ANOS1: variants seen among roughly 807,000 people sequenced by gnomAD.
The protein encoded by ANOS1 is anosmin-1.
Under a neutral mutation model 59.0 loss-of-function variants are expected in ANOS1, and 6 were observed. That is an observed-to-expected ratio of 0.10 (90% confidence interval 0.06 to 0.20). The LOEUF (loss-of-function observed/expected upper bound fraction) is 0.20. Ranked by LOEUF, ANOS1 falls within the 10% of genes least tolerant of loss-of-function variation. The pLI is 1.00. For missense variants in ANOS1, 433 were observed against 542.3 expected (o/e 0.80, Z 2.00); for synonymous variants, 217 against 223.4 (o/e 0.97, Z 0.25).
At chrX:8,539,329 G>A (rs1403408867) in intron 10 of ANOS1, among the ~76,000 whole-genome samples, 1 of 109,634 alleles carries the variant, frequency 9.1e-6, no homozygotes, top group East Asian at 2.9e-4. Flanking sequence ...TCAAAATTCA[G>A]AAAATAATTC....
chrX:8,717,174 C>T (rs745375089), intron 1 of ANOS1, among the ~76,000 whole-genome samples: 1 of 112,057 alleles, frequency 8.9e-6, no homozygotes, highest in Non-Finnish European at 1.9e-5. Context: ...AAATTAAATT[C>T]TAGCCCTAAT....
At chrX:8,566,894 G>A (rs1930123935) in intron 8 of ANOS1, among the ~76,000 whole-genome samples, 2 of 111,744 alleles carry the variant, frequency 1.8e-5, no homozygotes. Context: ...GACCAGCATT[G>A]CCTTTCCTAA....
chrX:8,719,769 G>T (rs1467177564), intron 1 of ANOS1, among the ~76,000 whole-genome samples: 2 of 110,583 alleles, frequency 1.8e-5, no homozygotes, highest in African/African-American at 6.6e-5. Context: ...ATATATTTTT[G>T]AGCTCACTAA....
chrX:8,725,196 C>G (rs1932901853), intron 1 of ANOS1, among the ~76,000 whole-genome samples: 1 of 111,076 alleles, frequency 9.0e-6, no homozygotes, highest in South Asian at 3.8e-4. Flanking sequence ...AACCTCTCTT[C>G]CCCCCAAAAT....
At chrX:8,719,942 A>G (rs1932863679) in intron 1 of ANOS1, among the ~76,000 whole-genome samples, 1 of 110,974 alleles carries the variant, frequency 9.0e-6, no homozygotes, top group Admixed American at 9.6e-5. Flanking sequence ...TGTTTCTCAG[A>G]CTCCCCTGAG....
intron 2 of ANOS1, among the ~76,000 whole-genome samples, chrX:8,696,715 G>A (rs1460229137): frequency 8.9e-6 from 1 of 112,540 alleles, no homozygotes; most frequent in Non-Finnish European, 1.9e-5. Context: ...TCCTTGCTGT[G>A]GGAGGGCTTT....
chrX:8,691,097 A>T (rs189724138), intron 2 of ANOS1, among the ~76,000 whole-genome samples: 132 of 104,778 alleles, frequency 1.3e-3, no homozygotes, highest in African/African-American at 4.2e-3. Context: ...TTTTTGAGAC[A>T]GAGTCTCAAT....
chrX:8,703,944 C>G (rs1932768547), intron 1 of ANOS1, among the ~76,000 whole-genome samples: 1 of 111,854 alleles, frequency 8.9e-6, no homozygotes, highest in Non-Finnish European at 1.9e-5. Flanking sequence ...CCACCCAAAT[C>G]TCATCTTGAA....
At chrX:8,662,895 G>A (rs1428489762) in intron 2 of ANOS1, among the ~76,000 whole-genome samples, 1 of 112,011 alleles carries the variant, frequency 8.9e-6, no homozygotes, top group Non-Finnish European at 1.9e-5. Flanking sequence ...ATGGTGGCAG[G>A]CACCTGTAAT....
chrX:8,594,658 G>GTATATATA (rs767812487), intron 4 of ANOS1, among the ~76,000 whole-genome samples: 653 of 33,316 alleles, frequency 0.02, 8 homozygotes, highest in East Asian at 0.056. Flanking sequence ...ATATATATGT[G>GTATATATA]TATATATATA....
chrX:8,534,558 A>G (rs1282621654), intron 12 of ANOS1, 98 bp from the exon 13 acceptor site: 2 of 889,696 alleles, frequency 2.2e-6, no homozygotes, highest in African/African-American at 4.0e-5. Flanking sequence ...CCACTGGAGA[A>G]TATCATACAC....
intron 6 of ANOS1, among the ~76,000 whole-genome samples, chrX:8,584,410 GT>G (rs1352231625): frequency 1.9e-5 from 2 of 107,138 alleles, no homozygotes; most frequent in East Asian, 5.7e-4. Flanking sequence ...AAAGTGTTTT[GT>G]TTGTTTGTTT....
chrX:8,540,916 A>G (rs913339536), intron 9 of ANOS1, among the ~76,000 whole-genome samples: 104 of 105,038 alleles, frequency 9.9e-4, no homozygotes, highest in African/African-American at 3.5e-3. Flanking sequence ...AAAAAGAATT[A>G]TAGGCTATGC....
intron 2 of ANOS1, among the ~76,000 whole-genome samples, chrX:8,689,464 G>A (rs1031784999): frequency 5.4e-5 from 6 of 110,095 alleles, no homozygotes; most frequent in Admixed American, 2.0e-4. Flanking sequence ...TGGAAAGGCC[G>A]AGGTGTACAA....
intron 3 of ANOS1, among the ~76,000 whole-genome samples, chrX:8,619,086 A>G (rs1292444658): frequency 5.2e-5 from 5 of 96,423 alleles, no homozygotes; most frequent in African/African-American, 1.3e-4. Context: ...AAAAAAAAAA[A>G]AAAAAAAAAA....
At chrX:8,651,874 G>A (rs919965696) in intron 2 of ANOS1, among the ~76,000 whole-genome samples, 1 of 111,992 alleles carries the variant, frequency 8.9e-6, no homozygotes, top group Non-Finnish European at 1.9e-5. Context: ...TAGACAGCAG[G>A]TAAAGAAAAC....
intron 5 of ANOS1, among the ~76,000 whole-genome samples, chrX:8,587,302 A>AGTGAAGATTTATGGGCTGCTGGCTAT (rs1245517756): frequency 2.7e-5 from 3 of 111,989 alleles, no homozygotes; most frequent in Non-Finnish European, 5.6e-5. Context: ...GAAAGTACTT[A>AGTGAAGATTTATGGGCTGCTGGCTAT]GTGAAGATTT....
chrX:8,580,061 T>C (rs1386627321), intron 6 of ANOS1, among the ~76,000 whole-genome samples: 1 of 111,907 alleles, frequency 8.9e-6, no homozygotes, highest in Non-Finnish European at 1.9e-5. Flanking sequence ...GCAGCAAATA[T>C]CAACTTATGT....
intron 4 of ANOS1, 79 bp from the exon 5 acceptor site, chrX:8,588,057 A>C (rs1569056501): frequency 1.1e-6 from 1 of 901,781 alleles, no homozygotes; most frequent in East Asian, 3.3e-5. Context: ...ACAAATATGG[A>C]AGAGATGAAT....
Sources: gnomAD v4.1 joint callset for allele counts (sites outside exome capture counted in the v4.1 genomes callset) on GRCh38, gnomAD v4.1.1 for gene constraint, MANE v1.5 for transcripts, NCBI Gene and HGNC (gene_info 2026-07-23, HGNC 2026-07-21) for gene names.